NCKAP5: variants seen among roughly 807,000 people sequenced by gnomAD.
NCKAP5 encodes the protein nck-associated protein 5.
NCKAP5 carries 92 observed loss-of-function variants against 167.0 expected under a neutral mutation model. The observed-to-expected ratio is 0.55, with a 90% CI of 0.47 to 0.66. The LOEUF (loss-of-function observed/expected upper bound fraction) is 0.66, where lower values mean the gene tolerates loss of function less well. Among genes scored for constraint, NCKAP5 ranks in the 30% least tolerant of loss-of-function variants. NCKAP5 has a pLI of 0.00. For synonymous variants in NCKAP5, 891 were observed against 877.4 expected (o/e 1.02, Z -0.27); for missense variants, 2,378 against 2,315.0 (o/e 1.03, Z -0.56).
At chr2:133,406,311 T>C (rs1292323061) in intron 3 of NCKAP5, among the ~76,000 whole-genome samples, 2 of 151,952 alleles carry the variant, frequency 1.3e-5, no homozygotes, top group African/African-American at 4.8e-5. Context: ...TTTTGGGGAG[T>C]GCTTTTGGAG....
At chr2:132,808,975 G>A (rs536124816) in intron 11 of NCKAP5, among the ~76,000 whole-genome samples, 9 of 152,066 alleles carry the variant, frequency 5.9e-5, no homozygotes, top group African/African-American at 1.9e-4. Context: ...TGTCATTATT[G>A]TCATTCTGTT....
intron 19 of NCKAP5, among the ~76,000 whole-genome samples, chr2:132,686,225 C>T (rs116413307): frequency 3.5e-4 from 53 of 152,296 alleles, no homozygotes; most frequent in African/African-American, 1.3e-3. Context: ...TTTTGCCAGC[C>T]AGCTGAGGAT....
intron 3 of NCKAP5, among the ~76,000 whole-genome samples, chr2:133,379,836 T>G (rs1275307064): frequency 6.6e-6 from 1 of 152,178 alleles, no homozygotes; most frequent in African/African-American, 2.4e-5. Context: ...CCCATCCCTG[T>G]GTAAGATATT....
chr2:132,997,786 GA>G (rs1234416438), intron 6 of NCKAP5, among the ~76,000 whole-genome samples: 17 of 144,630 alleles, frequency 1.2e-4, no homozygotes, highest in African/African-American at 4.4e-4. Flanking sequence ...GAGAGCATGA[GA>G]AAAACTAAGC....
At chr2:133,558,083 G>A (rs1268406988) in intron 2 of NCKAP5, 2 of 152,236 alleles carry the variant, frequency 1.3e-5, no homozygotes, top group Non-Finnish European at 2.9e-5. Flanking sequence ...TTTACAAATA[G>A]AATTGTTCAA....
At chr2:132,700,133 G>T (rs1687742418) in intron 19 of NCKAP5, among the ~76,000 whole-genome samples, 1 of 152,178 alleles carries the variant, frequency 6.6e-6, no homozygotes, top group African/African-American at 2.4e-5. Flanking sequence ...GTCTTCTTTT[G>T]AGAAGTGTCT....
intron 2 of NCKAP5, among the ~76,000 whole-genome samples, chr2:133,522,098 A>C (rs1438949154): frequency 1.3e-5 from 2 of 152,200 alleles, no homozygotes; most frequent in African/African-American, 4.8e-5. Flanking sequence ...AATTCTGCTA[A>C]TGGGAGGCAG....
intron 11 of NCKAP5, among the ~76,000 whole-genome samples, chr2:132,829,132 G>A (rs951125802): frequency 6.6e-6 from 1 of 152,170 alleles, no homozygotes; most frequent in Admixed American, 6.5e-5. Context: ...CAGTCGTGTT[G>A]TATTTATTGA....
chr2:132,942,781 C>G (rs905739763), intron 8 of NCKAP5, among the ~76,000 whole-genome samples: 26 of 152,228 alleles, frequency 1.7e-4, no homozygotes, highest in African/African-American at 6.3e-4. Context: ...TGTTCTCCTG[C>G]TGCACTGATT....
At chr2:132,807,012 G>A (rs78822457) in intron 11 of NCKAP5, among the ~76,000 whole-genome samples, 1 of 152,176 alleles carries the variant, frequency 6.6e-6, no homozygotes, top group East Asian at 1.9e-4. Context: ...GTTGAAAAGG[G>A]TGTCTTCTCC....
In NCKAP5 at chr2:133,408,940, A is replaced by G. The variant is rs558044515; in HGVS notation, c.70-105830T>C. 2.2e-3 allele frequency among the ~76,000 whole-genome samples: 330 copies of G among 152,362 alleles called. 2 individuals carry two copies. The highest frequency in any genetic ancestry group is 7.8e-3 in the African/African-American group (323 of 41,588). ...GCCCAGCCACACACAGCAGGGACCC[A>G]GTGGAGCCACAGCTGACACACAGGA... On this transcript the variant is annotated intron_variant, in intron 3 of 19. Transcript: ENST00000409261.
intron 6 of NCKAP5, among the ~76,000 whole-genome samples, chr2:133,071,606 C>T (rs544414367): frequency 6.6e-6 from 1 of 152,334 alleles, no homozygotes; most frequent in South Asian, 2.1e-4. Flanking sequence ...GGTAGTCCTA[C>T]AGATTTCTGA....
At chr2:132,982,180 C>G (rs2077161466) in intron 7 of NCKAP5, among the ~76,000 whole-genome samples, 1 of 152,192 alleles carries the variant, frequency 6.6e-6, no homozygotes, top group African/African-American at 2.4e-5. Flanking sequence ...TTATTGAATA[C>G]TTAAAATGTG....
At chr2:133,423,746 T>C (rs1003266903) in intron 3 of NCKAP5, among the ~76,000 whole-genome samples, 1 of 152,190 alleles carries the variant, frequency 6.6e-6, no homozygotes, top group African/African-American at 2.4e-5. Flanking sequence ...GAGATAACTA[T>C]CAGCTCATGG....
At chr2:133,198,632 T>C (rs898301872) in intron 5 of NCKAP5, among the ~76,000 whole-genome samples, 2 of 152,110 alleles carry the variant, frequency 1.3e-5, no homozygotes, top group Non-Finnish European at 2.9e-5. Flanking sequence ...CTGAGAGATA[T>C]TAAGAAAGAC....
chr2:133,341,204 T>C (rs1171633312), intron 3 of NCKAP5, among the ~76,000 whole-genome samples: 1 of 151,998 alleles, frequency 6.6e-6, no homozygotes, highest in Non-Finnish European at 1.5e-5. Context: ...TATAAATATG[T>C]CAGAATATAG....
chr2:133,424,829 A>AATTTGTT (rs1689693122), intron 3 of NCKAP5, among the ~76,000 whole-genome samples: 1 of 152,152 alleles, frequency 6.6e-6, no homozygotes. Flanking sequence ...CCTGTTTTAG[A>AATTTGTT]ATTTGTTTAA....
intron 5 of NCKAP5, among the ~76,000 whole-genome samples, chr2:133,189,474 A>T (rs1182235804): frequency 6.6e-6 from 1 of 152,174 alleles, no homozygotes; most frequent in Non-Finnish European, 1.5e-5. Context: ...TGGCAGAGAC[A>T]CAACAAAAAA....
At chr2:133,361,147 C>A (rs1031225123) in intron 3 of NCKAP5, among the ~76,000 whole-genome samples, 1 of 152,136 alleles carries the variant, frequency 6.6e-6, no homozygotes, top group African/African-American at 2.4e-5. Flanking sequence ...AGAGGAGGAG[C>A]TTCACCAGCC....
Sources: allele counts gnomAD v4.1 joint callset (sites outside exome capture counted in the v4.1 genomes callset), GRCh38; gene constraint gnomAD v4.1.1; transcripts MANE v1.5; gene names NCBI Gene and HGNC (gene_info 2026-07-23, HGNC 2026-07-21).